Variants in SPATA16 observed in about 807,000 individuals in gnomAD.
SPATA16 encodes the protein spermatogenesis associated 16.
SPATA16 carries 36 observed loss-of-function variants against 63.3 expected under a neutral mutation model. The ratio of observed to expected loss-of-function variants is 0.57; its 90% CI spans 0.44 to 0.75. The LOEUF is 0.75. SPATA16 is among the 30% of genes least tolerant of loss of function. SPATA16 has a pLI of 0.00. For synonymous variants in SPATA16, 203 were observed against 216.7 expected (o/e 0.94, Z 0.56); for missense variants, 646 against 679.3 (o/e 0.95, Z 0.54).
At chr3:172,916,863 A>C (rs1297488350) in intron 8 of SPATA16, among the ~76,000 whole-genome samples, 2 of 152,210 alleles carry the variant, frequency 1.3e-5, no homozygotes, top group African/African-American at 4.8e-5. Context: ...AAAAGGTAAG[A>C]GTTGCCTACT....
At chr3:172,936,793 T>C (rs1045242099) in intron 6 of SPATA16, among the ~76,000 whole-genome samples, 43 of 152,290 alleles carry the variant, frequency 2.8e-4, no homozygotes, top group African/African-American at 1.0e-3. Context: ...CTGCAACCTC[T>C]GCCTTCTGGG....
chr3:172,997,279 G>A (rs1734715766), intron 4 of SPATA16, among the ~76,000 whole-genome samples: 1 of 152,036 alleles, frequency 6.6e-6, no homozygotes, highest in Non-Finnish European at 1.5e-5. Flanking sequence ...ATTTGGTGTT[G>A]TCAGTGTTTT....
chr3:172,917,775 G>A (rs915988592), intron 8 of SPATA16, among the ~76,000 whole-genome samples: 10 of 152,200 alleles, frequency 6.6e-5, no homozygotes, highest in African/African-American at 2.4e-4. Flanking sequence ...TTTCTTAAGA[G>A]AATCTCCTCT....
chr3:172,895,904 T>C (rs1050137972), intron 10 of SPATA16, among the ~76,000 whole-genome samples: 1 of 149,954 alleles, frequency 6.7e-6, no homozygotes, highest in East Asian at 1.9e-4. Context: ...TGTATACAGG[T>C]CTTTGTTTGA....
At chr3:173,055,307 C>T (rs1736195591) in intron 2 of SPATA16, among the ~76,000 whole-genome samples, 1 of 152,214 alleles carries the variant, frequency 6.6e-6, no homozygotes, top group Admixed American at 6.5e-5. Flanking sequence ...TTCTTATATT[C>T]ACACAAAAAT....
At chr3:173,074,206 G>A (rs557879821) in intron 2 of SPATA16, among the ~76,000 whole-genome samples, 1 of 152,184 alleles carries the variant, frequency 6.6e-6, no homozygotes, top group African/African-American at 2.4e-5. Context: ...ACTTTGGACT[G>A]TGGACTTTTG....
chr3:173,138,307 A>C (rs1001103259), intron 1 of SPATA16, among the ~76,000 whole-genome samples: 1 of 152,216 alleles, frequency 6.6e-6, no homozygotes, highest in East Asian at 1.9e-4. Flanking sequence ...AGAGAAATAC[A>C]GACCAGGTTG....
chr3:173,104,570 G>T (rs1737576094), intron 2 of SPATA16, among the ~76,000 whole-genome samples: 1 of 152,088 alleles, frequency 6.6e-6, no homozygotes, highest in Admixed American at 6.6e-5. Context: ...CAAGTCAGGG[G>T]GAGGTGCTAC....
intron 3 of SPATA16, among the ~76,000 whole-genome samples, chr3:173,029,436 G>A (rs1271979379): frequency 7.2e-6 from 1 of 139,636 alleles, no homozygotes; most frequent in African/African-American, 2.9e-5. Flanking sequence ...TTTTGTTGTT[G>A]TTTGTTTGTT....
chr3:172,910,666 G>T, intron 10 of SPATA16, among the ~76,000 whole-genome samples: 1 of 151,910 alleles, frequency 6.6e-6, no homozygotes, highest in Non-Finnish European at 1.5e-5. Flanking sequence ...ACCACGTTTG[G>T]CTGCTCTATC....
At chr3:173,054,014 C>G (rs1052498772) in intron 2 of SPATA16, among the ~76,000 whole-genome samples, 1 of 149,364 alleles carries the variant, frequency 6.7e-6, no homozygotes, top group African/African-American at 2.5e-5. Flanking sequence ...ACTATATCAA[C>G]ATAAATTTTA....
intron 4 of SPATA16, among the ~76,000 whole-genome samples, chr3:173,010,368 A>G (rs954971567): frequency 2.0e-5 from 3 of 151,914 alleles, no homozygotes; most frequent in Non-Finnish European, 4.4e-5. Context: ...GCTCTGTTAC[A>G]AGGCCCACTG....
chr3:172,961,046 T>C (rs796407654), intron 5 of SPATA16, among the ~76,000 whole-genome samples: 1 of 91,708 alleles, frequency 1.1e-5, no homozygotes, highest in African/African-American at 3.9e-5. Flanking sequence ...CTTTCTTTCT[T>C]TCTTCTTTCT....
intron 3 of SPATA16, among the ~76,000 whole-genome samples, chr3:173,048,459 G>GA (rs1351757596): frequency 6.6e-6 from 1 of 151,064 alleles, no homozygotes; most frequent in Non-Finnish European, 1.5e-5. Context: ...ATATAAAAAA[G>GA]AAAATTTTAA....
At chr3:172,931,986 G>A (rs1732882433) in intron 6 of SPATA16, among the ~76,000 whole-genome samples, 1 of 152,186 alleles carries the variant, frequency 6.6e-6, no homozygotes, top group African/African-American at 2.4e-5. Flanking sequence ...GTTTGGCTTA[G>A]TGCAACCAAT....
chr3:173,032,445 T>G (rs1356884680), intron 3 of SPATA16, among the ~76,000 whole-genome samples: 4 of 152,114 alleles, frequency 2.6e-5, no homozygotes, highest in African/African-American at 9.7e-5. Flanking sequence ...AAGTATATTT[T>G]ACTCTAAAAT....
chr3:173,016,465 A>T (rs1370782646), intron 4 of SPATA16, among the ~76,000 whole-genome samples: 1 of 152,170 alleles, frequency 6.6e-6, no homozygotes, highest in Non-Finnish European at 1.5e-5. Context: ...GGGACTGGTT[A>T]TATATACCTT....
intron 4 of SPATA16, among the ~76,000 whole-genome samples, chr3:172,982,943 A>AG (rs1416654315): frequency 1.3e-5 from 2 of 152,212 alleles, no homozygotes; most frequent in African/African-American, 4.8e-5. Context: ...ACAAAAAAAA[A>AG]TCACAGCACA....
At chr3:173,042,722 G>A (rs1473618495) in intron 3 of SPATA16, among the ~76,000 whole-genome samples, 1 of 152,132 alleles carries the variant, frequency 6.6e-6, no homozygotes, top group African/African-American at 2.4e-5. Context: ...GTCAAAGCTA[G>A]TAACTGATAA....
Sources: allele counts gnomAD v4.1 joint callset (sites outside exome capture counted in the v4.1 genomes callset), GRCh38; gene constraint gnomAD v4.1.1; transcripts MANE v1.5; gene names NCBI Gene and HGNC (gene_info 2026-07-23, HGNC 2026-07-21).